Variants in CKS2 observed in about 807,000 individuals in gnomAD.
CKS2 encodes cyclin-dependent kinases regulatory subunit 2.
CKS2 carries 4 observed loss-of-function variants against 14.3 expected under a neutral mutation model. The observed-to-expected ratio is 0.28, with a 90% CI of 0.14 to 0.64. CKS2 has a LOEUF of 0.64. Among genes scored for constraint, CKS2 ranks in the 30% least tolerant of loss-of-function variants. The pLI, the probability that CKS2 is intolerant of heterozygous loss-of-function variation, is 0.83. For missense variants in CKS2, 71 were observed against 94.3 expected (o/e 0.75, Z 1.02); for synonymous variants, 33 against 28.7 (o/e 1.15, Z -0.48).
At chr9:89,311,396 C>T (rs1824603686) in intron 1 of CKS2, 45 bp downstream of exon 1, 3 of 1,544,696 alleles carry the variant, frequency 1.9e-6, no homozygotes, top group Non-Finnish European at 2.6e-6. Context: ...TCAGCCGGGG[C>T]CCCCGCGGGC....
chr9:89,311,455 G>A (rs1318671338), intron 1 of CKS2, 104 bp downstream of exon 1: 1 of 804,734 alleles, frequency 1.2e-6, no homozygotes, highest in African/African-American at 1.9e-5. Context: ...GGGGCCTGGG[G>A]GGCGGAGCCC....
In CKS2 at chr9:89,315,165, A is replaced by G; in HGVS notation, c.60-5A>G. 1.2e-6 allele frequency: 2 copies of G among 1,605,298 alleles called. No individual in the cohort carries two copies. Among genetic ancestry groups the G allele is most frequent in the Non-Finnish European group, 1.7e-6 (2 of 1,176,088 alleles). On this transcript the variant is annotated splice_polypyrimidine_tract_variant and splice_region_variant and intron_variant, in intron 1 of 2. Transcript: ENST00000314355. ...GGACTAACACTTGGCTGTATCTTGT[A>G]ACAGGCATGTTATGTTACCCAGAGA...
At position 89,316,307 on chromosome 9, in the gene CKS2, C is replaced by T. The variant is rs531467358; in HGVS notation, c.188-66C>T. 1.3e-5 allele frequency: 14 copies of T among 1,046,250 alleles called. No homozygotes were observed. In the South Asian group the frequency reaches 1.7e-4, roughly 13 times the overall value. 64.8% of individuals were successfully genotyped at this position (1,046,250 alleles called of 1,614,324 possible). ...TTTTATTCTGGCTTAGTTGAGAATA[C>T]TTTTGAATTTCTGTTGAGTATATGA... On this transcript the variant is annotated intron_variant, in intron 2 of 2. Coordinates refer to ENST00000314355, the MANE Select transcript of CKS2 (RefSeq NM_001827.3).
chr9:89,311,390 C>G (rs767367446), intron 1 of CKS2, 39 bp downstream of exon 1: 5 of 1,567,102 alleles, frequency 3.2e-6, no homozygotes, highest in Non-Finnish European at 4.3e-6. Context: ...GCTCCCTCAG[C>G]CGGGGCCCCC....
In CKS2 at chr9:89,313,912, A is replaced by C. The variant is rs1824662903; in HGVS notation, c.60-1258A>C. On this transcript the variant is annotated intron_variant, in intron 1 of 2. Coordinates refer to ENST00000314355, the MANE Select transcript of CKS2 (RefSeq NM_001827.3). ...GCTATGACTTGGTGGCCTTAAGGCAATCTAACAACACAGTAGAATTTTTCT... is the reference window on the plus strand; with the variant it reads ...GCTATGACTTGGTGGCCTTAAGGCACTCTAACAACACAGTAGAATTTTTCT... Among the ~76,000 whole-genome samples the C allele has an allele frequency of 3.9e-5, 6 of 152,376 alleles. No homozygotes were observed. In the South Asian group the frequency reaches 1.2e-3, roughly 32 times the overall value.
chr9:89,315,830 C>G (rs1587815968), intron 2 of CKS2, among the ~76,000 whole-genome samples: 2 of 152,166 alleles, frequency 1.3e-5, no homozygotes, highest in South Asian at 4.1e-4. Flanking sequence ...GTTTTCTAGA[C>G]TAAAACAGTG....
intron 1 of CKS2, among the ~76,000 whole-genome samples, chr9:89,312,698 G>A (rs1416592875): frequency 2.0e-5 from 3 of 152,246 alleles, no homozygotes; most frequent in South Asian, 4.1e-4. Context: ...AGTAGATTGT[G>A]TTAACCTTAT....
In CKS2 at chr9:89,315,156, G is replaced by T; in HGVS notation, c.60-14G>T. 1.9e-6 allele frequency: 3 copies of T among 1,600,642 alleles called. No homozygotes were observed. Among genetic ancestry groups the T allele is most frequent in the Non-Finnish European group, 2.6e-6 (3 of 1,173,536 alleles). On this transcript the variant is annotated splice_polypyrimidine_tract_variant and intron_variant, in intron 1 of 2. Transcript: ENST00000314355. ...AAAGGCACTGGACTAACACTTGGCT[G>T]TATCTTGTAACAGGCATGTTATGTT...
At chr9:89,311,758 C>T (rs1041489694) in intron 1 of CKS2, among the ~76,000 whole-genome samples, 2 of 152,212 alleles carry the variant, frequency 1.3e-5, no homozygotes, top group African/African-American at 4.8e-5. Flanking sequence ...GTTCTTTGAA[C>T]CAGTCCAGGA....
Position 89,311,229 on chromosome 9 carries a change from G to C in CKS2, c.-64G>C, listed in dbSNP as rs1824597010. On this transcript the variant is annotated 5_prime_UTR_variant, in exon 1 of 3. Coordinates refer to ENST00000314355, the MANE Select transcript of CKS2 (RefSeq NM_001827.3). ...CGGCGAGTTGTTGCCTGGGCTGGAC[G>C]TGGTTTTGTCTGCTGCGCCCGCTCT... 2 of 1,381,706 alleles carry C rather than the reference G, an allele frequency of 1.4e-6. No homozygotes were observed. Among genetic ancestry groups the C allele is most frequent in the East Asian group, 2.4e-5 (1 of 42,060 alleles). The allele number at this position is 1,381,706 out of a possible 1,614,324, so 85.6% of individuals were successfully genotyped here. A position where few individuals can be genotyped will look rare whatever the true frequency, so the allele number is the denominator to read the frequency against.
chr9:89,316,535 C>T lies in CKS2; in HGVS notation c.*110C>T. Reference sequence around the variant, plus strand: ...TACAAATCTTTCATCCATACCTGTGCATGAGCTGTATTCTTCACAGCAACA... The same window carrying T: ...TACAAATCTTTCATCCATACCTGTGTATGAGCTGTATTCTTCACAGCAACA... On this transcript the variant is annotated 3_prime_UTR_variant, in exon 3 of 3. Transcript: ENST00000314355. 1 of 677,282 alleles carries T rather than the reference C, an allele frequency of 1.5e-6. No homozygotes were observed. The highest frequency in any genetic ancestry group is 2.6e-6 in the Non-Finnish European group (1 of 381,684). The allele number at this position is 677,282 out of a possible 1,614,324, so 42.0% of individuals were successfully genotyped here.
chr9:89,312,062 T>C (rs556794026), intron 1 of CKS2, among the ~76,000 whole-genome samples: 1 of 152,232 alleles, frequency 6.6e-6, no homozygotes, highest in Admixed American at 6.5e-5. Flanking sequence ...GAGGGTATTA[T>C]TAAAGGAGTT....
At chr9:89,313,077 A>G (rs375550040) in intron 1 of CKS2, among the ~76,000 whole-genome samples, 1 of 152,234 alleles carries the variant, frequency 6.6e-6, no homozygotes, top group Non-Finnish European at 1.5e-5. Flanking sequence ...TAGAGCTGGT[A>G]TTAATTGGCC....
At chr9:89,313,911 A>T (rs141029293) in intron 1 of CKS2, among the ~76,000 whole-genome samples, 1 of 152,250 alleles carries the variant, frequency 6.6e-6, no homozygotes, top group Non-Finnish European at 1.5e-5. Context: ...GCCTTAAGGC[A>T]ATCTAACAAC....
Position 89,315,150 on chromosome 9 carries a change from T to C in CKS2, c.60-20T>C. 1 of 1,598,620 alleles carries C rather than the reference T, an allele frequency of 6.3e-7. No homozygotes were observed. The highest frequency in any genetic ancestry group is 8.5e-7 in the Non-Finnish European group (1 of 1,172,566). On this transcript the variant is annotated intron_variant, in intron 1 of 2. Coordinates refer to ENST00000314355, the MANE Select transcript of CKS2 (RefSeq NM_001827.3). ...TGTAGAAAAGGCACTGGACTAACAC[T>C]TGGCTGTATCTTGTAACAGGCATGT...
intron 1 of CKS2, 47 bp from the exon 2 acceptor site, chr9:89,315,123 G>C: frequency 6.5e-7 from 1 of 1,547,686 alleles, no homozygotes; most frequent in South Asian, 1.2e-5. Context: ...TAAAGCGACA[G>C]TTGTAGAAAA....
chr9:89,313,735 A>C (rs532115509), intron 1 of CKS2, among the ~76,000 whole-genome samples: 27 of 152,244 alleles, frequency 1.8e-4, no homozygotes, highest in Non-Finnish European at 3.2e-4. Flanking sequence ...AGAATAATCA[A>C]CAAGATAGAA....
chr9:89,315,402 AAC>A, intron 2 of CKS2, 105 bp downstream of exon 2: 1 of 1,049,182 alleles, frequency 9.5e-7, no homozygotes, highest in Non-Finnish European at 1.3e-6. Flanking sequence ...ATCTGAAAGT[AAC>A]TGTTCTGATA....
chr9:89,312,041 G>A (rs1190219588), intron 1 of CKS2, among the ~76,000 whole-genome samples: 1 of 152,074 alleles, frequency 6.6e-6, no homozygotes, highest in African/African-American at 2.4e-5. Flanking sequence ...GTTAGCCGCA[G>A]TCATACAATT....
Sources: allele counts gnomAD v4.1 joint callset (sites outside exome capture counted in the v4.1 genomes callset), GRCh38; gene constraint gnomAD v4.1.1; transcripts MANE v1.5; gene names NCBI Gene and HGNC (gene_info 2026-07-23, HGNC 2026-07-21).